FNDC3A: variants seen among roughly 807,000 people sequenced by gnomAD.
The protein encoded by FNDC3A is fibronectin type III domain containing 3A.
In FNDC3A, 32 loss-of-function variants were observed where a neutral mutation model predicts 148.9. The ratio of observed to expected loss-of-function variants is 0.21; its 90% CI spans 0.16 to 0.29. The LOEUF is 0.29. Ranked by LOEUF, FNDC3A falls within the 10% of genes least tolerant of loss-of-function variation. The pLI is 1.00. For missense variants in FNDC3A, 1,191 were observed against 1,452.8 expected (o/e 0.82, Z 2.93); for synonymous variants, 472 against 473.6 (o/e 1.00, Z 0.04).
chr13:49,107,973 G>A (rs891588949), intron 3 of FNDC3A, among the ~76,000 whole-genome samples: 1 of 152,080 alleles, frequency 6.6e-6, no homozygotes, highest in Non-Finnish European at 1.5e-5. Flanking sequence ...AGGAAATCAG[G>A]CTATGAAGGC....
chr13:49,116,676 C>G (rs1192324615), intron 4 of FNDC3A, among the ~76,000 whole-genome samples: 1 of 151,788 alleles, frequency 6.6e-6, no homozygotes, highest in Non-Finnish European at 1.5e-5. Flanking sequence ...ATCCCAGCTA[C>G]TAGGGAGGCT....
chr13:49,201,459 G>T (rs1165611539), intron 23 of FNDC3A, among the ~76,000 whole-genome samples: 1 of 152,082 alleles, frequency 6.6e-6, no homozygotes, highest in Non-Finnish European at 1.5e-5. Context: ...AAATTGTGAT[G>T]TTCTGAGCAT....
chr13:49,027,955 G>A (rs1472606398), intron 2 of FNDC3A, among the ~76,000 whole-genome samples: 2 of 152,110 alleles, frequency 1.3e-5, no homozygotes, highest in African/African-American at 2.4e-5. Flanking sequence ...GCTCACACTT[G>A]TAATCCCAGC....
chr13:49,038,326 T>C (rs993785471), intron 2 of FNDC3A, among the ~76,000 whole-genome samples: 6 of 152,224 alleles, frequency 3.9e-5, no homozygotes, highest in African/African-American at 1.4e-4. Context: ...GCCAAGGAAC[T>C]GCCCTCTTCT....
At chr13:49,206,342 T>TTAC (rs1886643573) in intron 25 of FNDC3A, among the ~76,000 whole-genome samples, 1 of 98,946 alleles carries the variant, frequency 1.0e-5, no homozygotes, top group African/African-American at 3.7e-5. Context: ...TAGCTTCTTA[T>TTAC]TTATGCCTAG....
At position 49,172,033 on chromosome 13, in the gene FNDC3A, T is replaced by C. The variant is rs1449207646; in HGVS notation, c.1177-10T>C. The C allele has an allele frequency of 6.3e-7, 1 of 1,597,962 alleles. No individual in the cohort carries two copies. On this transcript the variant is annotated splice_polypyrimidine_tract_variant and intron_variant, in intron 10 of 25. Transcript: ENST00000492622. ...TTTGTTTTCATTTTGTTTTTTGGTG[T>C]TGGTTTTAGGCACCTAGTGACAATG...
chr13:49,185,841 C>T (rs535383619), intron 14 of FNDC3A, 123 bp from the exon 15 acceptor site: 31 of 717,910 alleles, frequency 4.3e-5, no homozygotes, highest in Admixed American at 2.5e-4. Flanking sequence ...CAAGCCATTC[C>T]AAGCTAAAAA....
intron 1 of FNDC3A, among the ~76,000 whole-genome samples, chr13:48,996,180 A>T (rs4942794): frequency 6.6e-6 from 1 of 152,152 alleles, no homozygotes; most frequent in African/African-American, 2.4e-5. Context: ...AACCATATCC[A>T]TATTATAAAA....
At chr13:49,088,248 G>C (rs965288168) in intron 3 of FNDC3A, among the ~76,000 whole-genome samples, 1 of 152,164 alleles carries the variant, frequency 6.6e-6, no homozygotes. Flanking sequence ...GATCCCAGTA[G>C]ATAGTTACAT....
At position 49,207,149 on chromosome 13, in the gene FNDC3A, T is replaced by C. The variant is rs1479154966; in HGVS notation, c.3351T>C (p.Arg1117=). 2.5e-6 allele frequency: 4 copies of C among 1,614,052 alleles called. No homozygotes were observed. The highest frequency in any genetic ancestry group is 1.1e-5 in the South Asian group (1 of 91,090). ...SLQLNCEYRF[R]VCAIRQCQDS... ...AGCTGAACTGTGAATATCGCTTCCG[T>C]GTATGTGCCATTCGCCAGTGCCAAG... Residue 1117 remains arginine (R), a synonymous_variant, in exon 26 of 26, where the codon CGT becomes CGC. Coordinates refer to ENST00000492622, the MANE Select transcript of FNDC3A (RefSeq NM_001079673.2).
At chr13:49,070,881 C>CTTTTTTTTTTTTTTTTTTTT (rs758290861) in intron 2 of FNDC3A, among the ~76,000 whole-genome samples, 58 of 120,928 alleles carry the variant, frequency 4.8e-4, no homozygotes, top group Non-Finnish European at 5.3e-4. Flanking sequence ...AACAGGATTT[C>CTTTTTTTTTTTTTTTTTTTT]TTTTTTTTTT....
chr13:49,115,197 A>T (rs114994777), intron 4 of FNDC3A, among the ~76,000 whole-genome samples: 2,637 of 16,488 alleles, frequency 0.16, 55 homozygotes, highest in South Asian at 0.32. Context: ...GGGGGGGGAA[A>T]TAAAAAAAAA....
chr13:49,182,864 C>T (rs1885378578), intron 14 of FNDC3A, among the ~76,000 whole-genome samples: 1 of 151,958 alleles, frequency 6.6e-6, no homozygotes, highest in African/African-American at 2.4e-5. Flanking sequence ...TGGTGTATCC[C>T]TCTCTTGCTT....
At chr13:49,120,600 C>T (rs1289736264) in intron 4 of FNDC3A, among the ~76,000 whole-genome samples, 1 of 151,050 alleles carries the variant, frequency 6.6e-6, no homozygotes, top group Non-Finnish European at 1.5e-5. Flanking sequence ...AGACCCATCT[C>T]ACATGCAGAG....
intron 3 of FNDC3A, chr13:49,110,374 T>G (rs1202829961): frequency 1.9e-6 from 3 of 1,612,928 alleles, no homozygotes; most frequent in African/African-American, 1.3e-5. Context: ...GATTTTCTTG[T>G]TCTCTGCTGC....
rs978728722 is a variant in FNDC3A at position 48,976,015 on chromosome 13, C to G, written c.-202C>G. ...GAGGGAGCGAAGAGCGGGGCTGAGG[C>G]GGCGGCGTCACTGCCAGGAAACAAC... On this transcript the variant is annotated 5_prime_UTR_variant, in exon 1 of 26. Transcript: ENST00000492622. 6.5e-6 allele frequency: 1 copy of G among 152,938 alleles called. No individual in the cohort carries two copies. The highest frequency in any genetic ancestry group is 1.5e-5 in the Non-Finnish European group (1 of 68,790). The allele number at this position is 152,938 out of a possible 1,614,324, so 9.5% of individuals were successfully genotyped here. A position where few individuals can be genotyped will look rare whatever the true frequency, so the allele number is the denominator to read the frequency against.
intron 1 of FNDC3A, among the ~76,000 whole-genome samples, 193 bp downstream of exon 1, chr13:48,976,370 G>A (rs2137535607): frequency 6.6e-6 from 1 of 152,336 alleles, no homozygotes; most frequent in East Asian, 1.9e-4. Context: ...GGTGCAGAGG[G>A]GCAGTGGGGC....
At chr13:49,186,732 G>A (rs1885592770) in intron 15 of FNDC3A, among the ~76,000 whole-genome samples, 1 of 152,194 alleles carries the variant, frequency 6.6e-6, no homozygotes, top group African/African-American at 2.4e-5. Context: ...GCTGGGCATG[G>A]TGGCACATGC....
intron 14 of FNDC3A, among the ~76,000 whole-genome samples, chr13:49,182,047 T>G (rs1885334059): frequency 6.6e-6 from 1 of 152,188 alleles, no homozygotes; most frequent in South Asian, 2.1e-4. Flanking sequence ...ATTGGCACAA[T>G]CATAGTTCAC....
Sources: allele counts gnomAD v4.1 joint callset (sites outside exome capture counted in the v4.1 genomes callset), GRCh38; gene constraint gnomAD v4.1.1; transcripts MANE v1.5; gene names NCBI Gene and HGNC (gene_info 2026-07-23, HGNC 2026-07-21).